PCMTD1: variants seen among roughly 807,000 people sequenced by gnomAD.
The protein encoded by PCMTD1 is protein-L-isoaspartate O-methyltransferase domain-containing protein 1.
A neutral mutation model predicts 37.6 loss-of-function variants in PCMTD1; 12 were observed. The ratio of observed to expected loss-of-function variants is 0.32; its 90% confidence interval spans 0.20 to 0.52. The LOEUF (loss-of-function observed/expected upper bound fraction) is 0.52. Among genes scored for constraint, PCMTD1 ranks in the 20% least tolerant of loss-of-function variants. The probability of loss-of-function intolerance (pLI) is 0.97; values close to 1 mark genes in which losing one functional copy is unlikely to be tolerated. For missense variants in PCMTD1, 235 were observed against 421.3 expected, an observed-to-expected ratio of 0.56 and a Z score of 3.87; for synonymous variants, 117 against 135.8, an observed-to-expected ratio of 0.86 and a Z score of 0.96.
chr8:51,842,702 T>C (rs536381190), intron 3 of PCMTD1, among the ~76,000 whole-genome samples: 19 of 152,260 alleles, frequency 1.2e-4, no homozygotes, highest in Non-Finnish European at 2.1e-4. Context: ...CCCCCTCTAC[T>C]GTATTTGGGA....
chr8:51,896,351 G>A (rs1036957005), intron 1 of PCMTD1: 2 of 152,114 alleles, frequency 1.3e-5, no homozygotes, highest in Non-Finnish European at 2.9e-5. Flanking sequence ...CATTTTAAGT[G>A]ACTACCAAAT....
At chr8:51,898,358 G>A (rs550094842) in intron 1 of PCMTD1, among the ~76,000 whole-genome samples, 1 of 152,208 alleles carries the variant, frequency 6.6e-6, no homozygotes, top group South Asian at 2.1e-4. Flanking sequence ...CCCCGGAACG[G>A]TAGTAGACGC....
intron 2 of PCMTD1, among the ~76,000 whole-genome samples, chr8:51,846,300 T>C (rs1378926003): frequency 1.3e-5 from 2 of 152,180 alleles, no homozygotes; most frequent in Non-Finnish European, 2.9e-5. Flanking sequence ...TTGACTCTCA[T>C]GCTCCAGCAT....
Position 51,819,328 on chromosome 8 carries a change from T to A in PCMTD1, c.*1023A>T, listed in dbSNP as rs1355321988. 1.3e-5 allele frequency: 2 copies of A among 151,902 alleles called. No homozygotes were observed. Among genetic ancestry groups the A allele is most frequent in the Non-Finnish European group, 2.9e-5 (2 of 67,990 alleles). 9.4% of individuals were successfully genotyped at this position (151,902 alleles called of 1,614,324 possible). On this transcript the variant is annotated 3_prime_UTR_variant, in exon 6 of 6. Transcript: ENST00000522514. ...ATACTAGATAGATCAAAAGCAAATG[T>A]AGGCTCAGCCCTACCTTGTCAAAGA... is the stretch of plus-strand genomic sequence containing the variant.
At chr8:51,845,429 TTACTAATAAAG>T in intron 3 of PCMTD1, 1 of 377,890 alleles carries the variant, frequency 2.6e-6, no homozygotes. Flanking sequence ...GAATTCAACA[TTACTAATAAAG>T]TTGTAGTAGC....
chr8:51,892,481 C>T (rs979939792), intron 1 of PCMTD1, among the ~76,000 whole-genome samples: 8 of 152,322 alleles, frequency 5.3e-5, no homozygotes, highest in South Asian at 2.1e-4. Flanking sequence ...ACACACTAAT[C>T]ATCAGGTCAG....
At chr8:51,826,843 T>A in intron 5 of PCMTD1, 3 of 802,142 alleles carry the variant, frequency 3.7e-6, no homozygotes, top group Non-Finnish European at 4.5e-6. Flanking sequence ...TGTCTTCTCC[T>A]CAACCCCAAA....
At chr8:51,870,887 G>C (rs1447623684) in intron 1 of PCMTD1, among the ~76,000 whole-genome samples, 1 of 152,132 alleles carries the variant, frequency 6.6e-6, no homozygotes, top group African/African-American at 2.4e-5. Flanking sequence ...GGGCGGGCCG[G>C]GGTGAGCATC....
At chr8:51,834,683 T>G (rs1242296639) in intron 3 of PCMTD1, among the ~76,000 whole-genome samples, 2 of 152,122 alleles carry the variant, frequency 1.3e-5, no homozygotes, top group African/African-American at 4.8e-5. Context: ...TCACAATCAT[T>G]TTTACTCTGT....
intron 1 of PCMTD1, among the ~76,000 whole-genome samples, chr8:51,883,291 T>C (rs530211772): frequency 9.2e-5 from 14 of 152,318 alleles, no homozygotes; most frequent in African/African-American, 3.4e-4. Flanking sequence ...TAATTTTCCA[T>C]GGCCTGAATT....
intron 3 of PCMTD1, among the ~76,000 whole-genome samples, chr8:51,841,258 G>A (rs1033479172): frequency 6.6e-6 from 1 of 152,056 alleles, no homozygotes; most frequent in African/African-American, 2.4e-5. Context: ...ATGCATATTA[G>A]GTGCTATTAT....
At chr8:51,832,732 G>T (rs1425946282) in intron 4 of PCMTD1, among the ~76,000 whole-genome samples, 1 of 152,110 alleles carries the variant, frequency 6.6e-6, no homozygotes, top group African/African-American at 2.4e-5. Flanking sequence ...ATTTAATAAT[G>T]CTCATAAATA....
At chr8:51,832,492 A>C (rs1563337835) in intron 4 of PCMTD1, among the ~76,000 whole-genome samples, 1 of 152,216 alleles carries the variant, frequency 6.6e-6, no homozygotes, top group Admixed American at 6.5e-5. Flanking sequence ...AAACTCCACA[A>C]CTATCATGCT....
chr8:51,857,122 GT>G (rs1445283291), intron 2 of PCMTD1, among the ~76,000 whole-genome samples: 1 of 152,226 alleles, frequency 6.6e-6, no homozygotes, highest in Admixed American at 6.5e-5. Context: ...GAGAGAGAGT[GT>G]AGAGGTCAAA....
chr8:51,886,044 A>C (rs2038861023), intron 1 of PCMTD1, among the ~76,000 whole-genome samples: 1 of 152,264 alleles, frequency 6.6e-6, no homozygotes, highest in Non-Finnish European at 1.5e-5. Context: ...CAGTTTCTTA[A>C]AGCACAAGGC....
intron 2 of PCMTD1, among the ~76,000 whole-genome samples, chr8:51,847,836 G>A (rs1275698637): frequency 6.6e-6 from 1 of 152,078 alleles, no homozygotes; most frequent in African/African-American, 2.4e-5. Context: ...CCAGCACTTT[G>A]GGAGGCCAAG....
At chr8:51,821,909 G>C (rs758304023) in intron 5 of PCMTD1, among the ~76,000 whole-genome samples, 55 of 152,012 alleles carry the variant, frequency 3.6e-4, no homozygotes, top group Non-Finnish European at 6.5e-4. Context: ...GTAATTTTTT[G>C]TATTTTTAGT....
upstream of PCMTD1, chr8:51,899,075 A>G (rs1368001349): frequency 6.0e-6 from 9 of 1,498,804 alleles, no homozygotes; most frequent in African/African-American, 4.3e-5. Flanking sequence ...GAGCAGCCAG[A>G]GCCTCCCGGA....
At chr8:51,847,678 A>G (rs1488205669) in intron 2 of PCMTD1, among the ~76,000 whole-genome samples, 1 of 152,166 alleles carries the variant, frequency 6.6e-6, no homozygotes, top group African/African-American at 2.4e-5. Context: ...CATTATGTAC[A>G]TAGTAAGAAA....
Sources: allele counts gnomAD v4.1 joint callset (sites outside exome capture counted in the v4.1 genomes callset), GRCh38; gene constraint gnomAD v4.1.1; transcripts MANE v1.5; gene names NCBI Gene and HGNC (gene_info 2026-07-23, HGNC 2026-07-21).